CUBN: variants seen among roughly 807,000 people sequenced by gnomAD.
CUBN encodes the protein cubilin, also known as 460 kDa receptor.
Under a neutral mutation model 405.3 loss-of-function variants are expected in CUBN, and 282 were observed. The ratio of observed to expected loss-of-function variants is 0.70; its 90% CI spans 0.63 to 0.77. The LOEUF is 0.77. CUBN is among the 30% of genes least tolerant of loss of function. The pLI is 0.00. For missense variants in CUBN, 4,514 were observed against 4,475.2 expected, an observed-to-expected ratio of 1.01 and a Z score of -0.25; for synonymous variants, 1,684 against 1,617.0, an observed-to-expected ratio of 1.04 and a Z score of -0.99.
At chr10:16,897,069 C>T (rs928459556) in intron 54 of CUBN, among the ~76,000 whole-genome samples, 7 of 152,090 alleles carry the variant, frequency 4.6e-5, no homozygotes, top group Admixed American at 2.0e-4. Context: ...CAAGAGAGCT[C>T]GTCAGTGATT....
intron 54 of CUBN, among the ~76,000 whole-genome samples, chr10:16,891,031 TC>T (rs1790700826): frequency 6.6e-6 from 1 of 152,138 alleles, no homozygotes; most frequent in South Asian, 2.1e-4. Context: ...TCAGAACACT[TC>T]TTGGCTGTGT....
chr10:16,869,998 C>T (rs566918134), intron 58 of CUBN, 145 bp from the exon 59 acceptor site: 4 of 706,012 alleles, frequency 5.7e-6, no homozygotes, highest in South Asian at 4.8e-5. Context: ...AGAAATCAAA[C>T]AGTACTTTAC....
intron 54 of CUBN, among the ~76,000 whole-genome samples, chr10:16,895,192 A>G (rs866997760): frequency 6.6e-6 from 1 of 152,322 alleles, no homozygotes; most frequent in African/African-American, 2.4e-5. Flanking sequence ...ATATACTCAA[A>G]GAACACACTC....
chr10:16,923,703 G>T (rs1232696405), intron 43 of CUBN, among the ~76,000 whole-genome samples: 3 of 152,180 alleles, frequency 2.0e-5, no homozygotes, highest in Non-Finnish European at 2.9e-5. Context: ...GAGGTGCAAT[G>T]TCAAACACAC....
chr10:17,044,954 T>A (rs1256106576), intron 25 of CUBN, 53 bp downstream of exon 25: 1 of 1,513,852 alleles, frequency 6.6e-7, no homozygotes, highest in East Asian at 2.3e-5. Context: ...AAGTGCATTG[T>A]GCGTTGGGTG....
Position 17,105,586 on chromosome 10 carries a change from A to G in CUBN, c.1112-11T>C. On this transcript the variant is annotated splice_polypyrimidine_tract_variant and intron_variant, in intron 10 of 66. Coordinates refer to ENST00000377833, the MANE Select transcript of CUBN (RefSeq NM_001081.4). ...AGAGAGGTAAGGAACCTGTTCAGAA[A>G]TAAAAACAAACGTGTAAATACAGGT... 1 of 1,464,608 alleles carries G rather than the reference A, an allele frequency of 6.8e-7. No individual in the cohort carries two copies. Among genetic ancestry groups the G allele is most frequent in the South Asian group, 1.1e-5 (1 of 88,400 alleles). 90.7% of individuals were successfully genotyped at this position (1,464,608 alleles called of 1,614,324 possible).
chr10:16,846,383 G>A (rs1839508932), intron 60 of CUBN, among the ~76,000 whole-genome samples: 1 of 152,152 alleles, frequency 6.6e-6, no homozygotes, highest in Admixed American at 6.5e-5. Flanking sequence ...CATATACGAA[G>A]ACACACTATT....
chr10:16,923,665 T>C (rs1013632072), intron 43 of CUBN, among the ~76,000 whole-genome samples: 7 of 152,224 alleles, frequency 4.6e-5, no homozygotes, highest in African/African-American at 1.7e-4. Context: ...CATACTTGCA[T>C]GAACAGTGAA....
chr10:17,079,292 G>A (rs1835920321), intron 17 of CUBN, among the ~76,000 whole-genome samples: 1 of 141,374 alleles, frequency 7.1e-6, no homozygotes, highest in Admixed American at 7.4e-5. Context: ...CTGGAGTATA[G>A]TGGCGTGATT....
intron 31 of CUBN, among the ~76,000 whole-genome samples, chr10:16,970,334 A>G (rs7899152): frequency 0.22 from 33,540 of 152,152 alleles, 3,985 homozygotes; most frequent in African/African-American, 0.29. Flanking sequence ...ACCTGTAATC[A>G]GAGGCCGAGG....
chr10:16,903,190 G>T (rs1459117711), intron 51 of CUBN, among the ~76,000 whole-genome samples: 1 of 152,132 alleles, frequency 6.6e-6, no homozygotes, highest in Non-Finnish European at 1.5e-5. Context: ...AGGAGAAAAA[G>T]TTGAATCATC....
At position 16,959,635 on chromosome 10, in the gene CUBN, A is replaced by C. The variant is rs546852399; in HGVS notation, c.4696-5087T>G. On this transcript the variant is annotated intron_variant, in intron 31 of 66. Coordinates refer to ENST00000377833, the MANE Select transcript of CUBN (RefSeq NM_001081.4). ...AAGAGCAAAACTCCGTCTCAAAAAA[A>C]AAAAAAGACAAAAAACAACTCACAT... Among the ~76,000 whole-genome samples the C allele has an allele frequency of 3.2e-4, 48 of 152,224 alleles. 1 individual carries two copies. The highest frequency in any genetic ancestry group is 1.1e-3 in the African/African-American group (46 of 41,552).
intron 34 of CUBN, 113 bp from the exon 35 acceptor site, chr10:16,948,719 T>C (rs1313871921): frequency 7.5e-7 from 1 of 1,341,110 alleles, no homozygotes; most frequent in Non-Finnish European, 1.0e-6. Context: ...AGTGAAGAAA[T>C]TGCCACTAGG....
intron 53 of CUBN, among the ~76,000 whole-genome samples, chr10:16,900,221 G>A (rs1340974264): frequency 6.6e-6 from 1 of 152,146 alleles, no homozygotes; most frequent in African/African-American, 2.4e-5. Context: ...TCAGCATTCT[G>A]CTTTTAGGCT....
intron 29 of CUBN, among the ~76,000 whole-genome samples, chr10:16,988,985 T>C (rs1054843496): frequency 6.6e-6 from 1 of 152,190 alleles, no homozygotes; most frequent in African/African-American, 2.4e-5. Flanking sequence ...AAATGTGCAT[T>C]ATTATGGTGT....
intron 51 of CUBN, among the ~76,000 whole-genome samples, 161 bp from the exon 52 acceptor site, chr10:16,901,620 G>A (rs1274532126): frequency 3.3e-5 from 5 of 152,002 alleles, no homozygotes; most frequent in African/African-American, 7.2e-5. Context: ...TTGGGAGGCC[G>A]AAGTGGGCAA....
In CUBN at chr10:17,102,958, AG is replaced by A. The variant is rs369184331; in HGVS notation, c.1530+166del. ...AAACAATTAATGTAAGGTTATGAAA[AG>A]GTAGGTATATGTCTAGCCAAAATAA... is the stretch of plus-strand genomic sequence containing the variant. On this transcript the variant is annotated intron_variant, in intron 13 of 66. Coordinates refer to ENST00000377833, the MANE Select transcript of CUBN (RefSeq NM_001081.4). Among the ~76,000 whole-genome samples the A allele has an allele frequency of 2.0e-3, 301 of 152,196 alleles. 1 individual carries two copies. Among genetic ancestry groups the A allele is most frequent in the African/African-American group, 6.9e-3 (288 of 41,532 alleles).
In CUBN at chr10:16,874,309, C is replaced by T. The variant is rs181055353; in HGVS notation, c.9236+65G>A. The T allele has an allele frequency of 2.3e-3, 3,519 of 1,556,854 alleles. 43 individuals carry two copies. In the Middle Eastern group the frequency reaches 0.032, roughly 14 times the overall value. ...AGAATCAGTGCCCTCCATCAATAAA[C>T]GAATGGCTCTTCTATAAATAATGCT... On this transcript the variant is annotated intron_variant, in intron 58 of 66. Transcript: ENST00000377833.
chr10:16,902,105 A>T (rs1841406035), intron 51 of CUBN, among the ~76,000 whole-genome samples: 1 of 137,772 alleles, frequency 7.3e-6, no homozygotes, highest in Non-Finnish European at 1.5e-5. Flanking sequence ...ATATATACAC[A>T]CACACACCAT....
Sources: allele counts gnomAD v4.1 joint callset (sites outside exome capture counted in the v4.1 genomes callset), GRCh38; gene constraint gnomAD v4.1.1; transcripts MANE v1.5; gene names NCBI Gene and HGNC (gene_info 2026-07-23, HGNC 2026-07-21).